Variants in ARHGAP21 observed in about 807,000 individuals in gnomAD.
ARHGAP21 encodes Rho GTPase activating protein 21.
In ARHGAP21, 38 loss-of-function variants were observed where a neutral mutation model predicts 164.6. The observed-to-expected ratio is 0.23, with a 90% CI of 0.18 to 0.30. ARHGAP21 has a LOEUF of 0.30. ARHGAP21 is among the 10% of genes least tolerant of loss of function. The probability of loss-of-function intolerance (pLI) is 1.00; values close to 1 mark genes in which losing one functional copy is unlikely to be tolerated. For synonymous variants in ARHGAP21, 766 were observed against 857.9 expected, an observed-to-expected ratio of 0.89 and a Z score of 1.87; for missense variants, 1,822 against 2,370.7, an observed-to-expected ratio of 0.77 and a Z score of 4.81.
rs528631721 is a variant in ARHGAP21, at chr10:24,676,608, T to C, written c.64-6211A>G. On this transcript the variant is annotated intron_variant, in intron 2 of 25. Transcript: ENST00000396432. ...TTCACTATTCAGGTGATGGTTATGC[T>C]AAAAGCCCAGACTTCACCCCTACGC... Among the ~76,000 whole-genome samples the C allele has an allele frequency of 3.9e-5, 6 of 152,270 alleles. No individual in the cohort carries two copies. In the South Asian group the frequency reaches 1.2e-3, roughly 32 times the overall value.
chr10:24,629,939 TA>T, intron 7 of ARHGAP21, 56 bp downstream of exon 7: 1 of 1,234,764 alleles, frequency 8.1e-7, no homozygotes, highest in Non-Finnish European at 1.2e-6. Context: ...ATCTCAAAAA[TA>T]TTTTCCGAAC....
intron 2 of ARHGAP21, among the ~76,000 whole-genome samples, chr10:24,705,670 C>CAA (rs1198316761): frequency 1.3e-5 from 2 of 152,208 alleles, no homozygotes; most frequent in Non-Finnish European, 2.9e-5. Flanking sequence ...ACATTTTCAA[C>CAA]TGTTTTCCTT....
At chr10:24,685,547 C>T (rs1157320288) in intron 2 of ARHGAP21, among the ~76,000 whole-genome samples, 2 of 152,144 alleles carry the variant, frequency 1.3e-5, no homozygotes, top group African/African-American at 4.8e-5. Context: ...GTGCAACAAA[C>T]CTCTTTCTTT....
chr10:24,679,732 A>G (rs1345916527), intron 2 of ARHGAP21, among the ~76,000 whole-genome samples: 2 of 152,190 alleles, frequency 1.3e-5, no homozygotes, highest in Non-Finnish European at 2.9e-5. Flanking sequence ...GTATCTTTTC[A>G]TGTGCTTAGC....
chr10:24,612,690 TA>T (rs944316817), intron 9 of ARHGAP21, among the ~76,000 whole-genome samples: 85 of 151,392 alleles, frequency 5.6e-4, no homozygotes, highest in African/African-American at 2.0e-3. Context: ...CCGTCTCTAC[TA>T]AAAATACAAA....
Position 24,616,745 on chromosome 10 carries a change from AAC to A in ARHGAP21, c.2422+2726_2422+2727del, listed in dbSNP as rs1421378310. 7.9e-5 allele frequency among the ~76,000 whole-genome samples: 12 copies of A among 152,330 alleles called. 1 individual carries two copies. In the South Asian group the frequency reaches 2.5e-3, roughly 32 times the overall value. ...GAAGTGTAGGAAGTCAGGATTTTAG[AAC>A]ACATTGTAATATCTGCTATTCACCG... is the stretch of plus-strand genomic sequence containing the variant. On this transcript the variant is annotated intron_variant, in intron 9 of 25. Transcript: ENST00000396432.
chr10:24,618,814 G>A (rs1021994655), intron 9 of ARHGAP21, among the ~76,000 whole-genome samples: 1 of 152,154 alleles, frequency 6.6e-6, no homozygotes, highest in Non-Finnish European at 1.5e-5. Context: ...GAATGGGAAG[G>A]AAACAGAGGG....
intron 2 of ARHGAP21, among the ~76,000 whole-genome samples, chr10:24,708,088 T>C (rs1334441183): frequency 6.6e-6 from 1 of 152,152 alleles, no homozygotes; most frequent in East Asian, 1.9e-4. Flanking sequence ...AGAAGCTAGG[T>C]TAAACAATGC....
At chr10:24,681,317 A>G (rs1278375566) in intron 2 of ARHGAP21, among the ~76,000 whole-genome samples, 1 of 152,240 alleles carries the variant, frequency 6.6e-6, no homozygotes, top group Non-Finnish European at 1.5e-5. Context: ...TGTTATTTAG[A>G]TAGACATGTT....
intron 25 of ARHGAP21, 60 bp downstream of exon 25, chr10:24,589,211 A>G: frequency 6.9e-7 from 1 of 1,448,422 alleles, no homozygotes. Context: ...TATCAACCAT[A>G]ACAATCAGCC....
chr10:24,649,166 C>T (rs924583587), intron 4 of ARHGAP21, among the ~76,000 whole-genome samples: 1 of 152,132 alleles, frequency 6.6e-6, no homozygotes, highest in African/African-American at 2.4e-5. Flanking sequence ...ACATGGGTAG[C>T]AAATTATCTA....
intron 11 of ARHGAP21, chr10:24,605,877 ATAAT>A (rs1564993955): frequency 6.6e-6 from 1 of 152,210 alleles, no homozygotes; most frequent in Admixed American, 6.5e-5. Context: ...TAAAACTACC[ATAAT>A]TAATAGAACC....
At chr10:24,637,739 C>G (rs911962066) in intron 4 of ARHGAP21, among the ~76,000 whole-genome samples, 3 of 152,086 alleles carry the variant, frequency 2.0e-5, no homozygotes, top group Non-Finnish European at 4.4e-5. Flanking sequence ...ACATACTTTG[C>G]CACTGACAAA....
At position 24,678,636 on chromosome 10, in the gene ARHGAP21, T is replaced by C. The variant is rs1447697137; in HGVS notation, c.64-8239A>G. ...CACCTCAGCCTCCCAAGTAGCTGGG[T>C]CTACAGGCATGCACCGCCATCATGC... On this transcript the variant is annotated intron_variant, in intron 2 of 25. Coordinates refer to ENST00000396432, the MANE Select transcript of ARHGAP21 (RefSeq NM_020824.4). 3.9e-5 allele frequency among the ~76,000 whole-genome samples: 6 copies of C among 152,066 alleles called. No individual in the cohort carries two copies. In the East Asian group the frequency reaches 1.2e-3, roughly 29 times the overall value.
At chr10:24,645,585 GAA>G (rs34672775) in intron 4 of ARHGAP21, among the ~76,000 whole-genome samples, 376 of 116,304 alleles carry the variant, frequency 3.2e-3, no homozygotes, top group African/African-American at 0.01. Flanking sequence ...CTCTGTCTCA[GAA>G]AAAAAAAAAA....
chr10:24,658,210 C>T (rs1476001304), intron 4 of ARHGAP21, among the ~76,000 whole-genome samples: 2 of 152,098 alleles, frequency 1.3e-5, no homozygotes, highest in African/African-American at 2.4e-5. Context: ...AACAGGAAAG[C>T]TTTTATACTG....
At chr10:24,649,831 A>G in intron 4 of ARHGAP21, among the ~76,000 whole-genome samples, 1 of 152,146 alleles carries the variant, frequency 6.6e-6, no homozygotes, top group East Asian at 1.9e-4. Flanking sequence ...ACAGATTATA[A>G]AAAAATTCCG....
chr10:24,693,678 T>C (rs754126134), intron 2 of ARHGAP21, among the ~76,000 whole-genome samples: 9 of 152,012 alleles, frequency 5.9e-5, no homozygotes, highest in South Asian at 2.1e-4. Flanking sequence ...TGCAGAGGGA[T>C]TGACTCTAAC....
At chr10:24,701,732 T>A (rs1007556253) in intron 2 of ARHGAP21, among the ~76,000 whole-genome samples, 11 of 152,208 alleles carry the variant, frequency 7.2e-5, no homozygotes, top group African/African-American at 2.7e-4. Flanking sequence ...TTGGCTTTTA[T>A]GCTAATATGG....
Sources: gnomAD v4.1 joint callset for allele counts (sites outside exome capture counted in the v4.1 genomes callset) on GRCh38, gnomAD v4.1.1 for gene constraint, MANE v1.5 for transcripts, NCBI Gene and HGNC (gene_info 2026-07-23, HGNC 2026-07-21) for gene names.